FYN: variants seen among roughly 807,000 people sequenced by gnomAD.
FYN encodes FYN proto-oncogene, Src family tyrosine kinase.
A neutral mutation model predicts 70.2 loss-of-function variants in FYN; 10 were observed. That is an observed-to-expected ratio of 0.14 (90% CI 0.09 to 0.24). The LOEUF is 0.24. FYN is among the 10% of genes least tolerant of loss of function. The probability of loss-of-function intolerance (pLI) is 1.00; values close to 1 mark genes in which losing one functional copy is unlikely to be tolerated. For missense variants in FYN, 319 were observed against 673.1 expected (o/e 0.47, Z 5.82); for synonymous variants, 236 against 248.6 (o/e 0.95, Z 0.48).
At chr6:111,747,625 C>T (rs983364256) in intron 3 of FYN, among the ~76,000 whole-genome samples, 1 of 152,136 alleles carries the variant, frequency 6.6e-6, no homozygotes, top group Non-Finnish European at 1.5e-5. Flanking sequence ...TCCAGCATTC[C>T]CCTATCATTG....
chr6:111,810,790 G>C (rs1772299543), intron 2 of FYN, among the ~76,000 whole-genome samples: 1 of 152,196 alleles, frequency 6.6e-6, no homozygotes, highest in Non-Finnish European at 1.5e-5. Flanking sequence ...GCCCTTCCAG[G>C]AAGAGGTGTT....
At chr6:111,844,455 G>A (rs1773458702) in intron 2 of FYN, among the ~76,000 whole-genome samples, 2 of 152,184 alleles carry the variant, frequency 1.3e-5, no homozygotes, top group Non-Finnish European at 1.5e-5. Context: ...TGATAGATCC[G>A]TGTTCAACAG....
At chr6:111,707,317 C>G (rs529260107) in intron 6 of FYN, among the ~76,000 whole-genome samples, 2 of 152,334 alleles carry the variant, frequency 1.3e-5, no homozygotes, top group East Asian at 3.9e-4. Context: ...CTACTGAACA[C>G]CTTCCTAAAC....
chr6:111,726,483 G>A (rs1449349329), intron 3 of FYN, among the ~76,000 whole-genome samples: 2 of 152,184 alleles, frequency 1.3e-5, no homozygotes, highest in Non-Finnish European at 2.9e-5. Flanking sequence ...GAGGAAAAGA[G>A]GGGTTGGGGA....
At chr6:111,864,846 C>G (rs1196741240) in intron 1 of FYN, among the ~76,000 whole-genome samples, 1 of 152,174 alleles carries the variant, frequency 6.6e-6, no homozygotes, top group South Asian at 2.1e-4. Flanking sequence ...GACCATGAGC[C>G]ATTTGCCTCT....
intron 2 of FYN, among the ~76,000 whole-genome samples, chr6:111,842,680 T>C (rs1259981607): frequency 6.6e-6 from 1 of 152,226 alleles, no homozygotes; most frequent in Admixed American, 6.5e-5. Context: ...TCCCACCTCT[T>C]AACCAGCTGC....
At chr6:111,732,924 C>A (rs541865142) in intron 3 of FYN, among the ~76,000 whole-genome samples, 1 of 152,294 alleles carries the variant, frequency 6.6e-6, no homozygotes, top group Non-Finnish European at 1.5e-5. Context: ...GACCCCAACA[C>A]GAGAGGCATG....
At chr6:111,849,209 A>G (rs1773616068) in intron 1 of FYN, among the ~76,000 whole-genome samples, 1 of 152,244 alleles carries the variant, frequency 6.6e-6, no homozygotes. Flanking sequence ...AGGCTGATCC[A>G]TTAATGTTGC....
At chr6:111,833,573 G>A (rs1480978796) in intron 2 of FYN, among the ~76,000 whole-genome samples, 2 of 152,190 alleles carry the variant, frequency 1.3e-5, no homozygotes, top group Non-Finnish European at 2.9e-5. Context: ...TCTACTCCCT[G>A]ATGACAATGT....
intron 1 of FYN, among the ~76,000 whole-genome samples, chr6:111,854,136 C>T (rs1316863788): frequency 6.6e-6 from 1 of 152,184 alleles, no homozygotes; most frequent in East Asian, 1.9e-4. Context: ...TAAAATACAC[C>T]AGGATGGGTT....
intron 2 of FYN, among the ~76,000 whole-genome samples, chr6:111,821,529 C>T (rs921381098): frequency 7.9e-5 from 12 of 152,124 alleles, no homozygotes; most frequent in African/African-American, 2.9e-4. Context: ...ACCATAAAAA[C>T]CCTAGAAGAA....
intron 3 of FYN, among the ~76,000 whole-genome samples, chr6:111,769,108 G>C (rs1400227935): frequency 6.6e-6 from 1 of 152,162 alleles, no homozygotes; most frequent in Non-Finnish European, 1.5e-5. Flanking sequence ...TAGTGAGGTT[G>C]ACATCAAGTC....
intron 2 of FYN, among the ~76,000 whole-genome samples, chr6:111,786,133 A>T (rs1055074718): frequency 2.0e-5 from 3 of 151,974 alleles, no homozygotes; most frequent in Non-Finnish European, 4.4e-5. Flanking sequence ...ATATGTATAC[A>T]TGCGCCATGT....
intron 3 of FYN, among the ~76,000 whole-genome samples, chr6:111,769,428 T>G (rs1803355338): frequency 6.6e-6 from 1 of 152,232 alleles, no homozygotes; most frequent in Admixed American, 6.5e-5. Flanking sequence ...AGATTGTGAT[T>G]ATAATCTAAT....
At chr6:111,782,332 C>T (rs1300785579) in intron 2 of FYN, among the ~76,000 whole-genome samples, 1 of 152,132 alleles carries the variant, frequency 6.6e-6, no homozygotes, top group Admixed American at 6.5e-5. Flanking sequence ...AGCAGGGAGG[C>T]GCTCATCAGG....
At chr6:111,860,797 AT>A (rs113293608) in intron 1 of FYN, among the ~76,000 whole-genome samples, 246 of 152,278 alleles carry the variant, frequency 1.6e-3, no homozygotes, top group African/African-American at 5.7e-3. Context: ...TCACTGAGTA[AT>A]TCTCAACCTC....
chr6:111,746,440 C>G (rs1309069194), intron 3 of FYN, among the ~76,000 whole-genome samples: 2 of 152,106 alleles, frequency 1.3e-5, no homozygotes, highest in East Asian at 3.8e-4. Context: ...TTCTTTGTGT[C>G]TACTTATTTT....
At chr6:111,834,948 CT>C (rs1773130916) in intron 2 of FYN, among the ~76,000 whole-genome samples, 1 of 152,176 alleles carries the variant, frequency 6.6e-6, no homozygotes, top group Admixed American at 6.5e-5. Context: ...CCACCTTCCC[CT>C]ATCCCCATTT....
chr6:111,803,413 C>T (rs925750585), intron 2 of FYN, among the ~76,000 whole-genome samples: 1 of 151,850 alleles, frequency 6.6e-6, no homozygotes, highest in Non-Finnish European at 1.5e-5. Context: ...AATAAATGTC[C>T]AAGAGGTTTT....
Sources: gnomAD v4.1 joint callset for allele counts (sites outside exome capture counted in the v4.1 genomes callset) on GRCh38, gnomAD v4.1.1 for gene constraint, MANE v1.5 for transcripts, NCBI Gene and HGNC (gene_info 2026-07-23, HGNC 2026-07-21) for gene names.